Variants in C1QTNF2 observed in about 807,000 individuals in gnomAD.
C1QTNF2 encodes the protein complement C1q tumor necrosis factor-related protein 2.
Under a neutral mutation model 17.4 loss-of-function variants are expected in C1QTNF2, and 15 were observed. That is an observed-to-expected ratio of 0.86 (90% CI 0.58 to 1.33). The LOEUF (loss-of-function observed/expected upper bound fraction) is 1.33, where lower values mean the gene tolerates loss of function less well. C1QTNF2 is among the 40% of genes most tolerant of loss of function. The probability of loss-of-function intolerance (pLI) is 0.00; values close to 1 mark genes in which losing one functional copy is unlikely to be tolerated. For missense variants in C1QTNF2, 381 were observed against 392.3 expected, an observed-to-expected ratio of 0.97 and a Z score of 0.24; for synonymous variants, 154 against 163.3, an observed-to-expected ratio of 0.94 and a Z score of 0.44.
chr5:160,366,027 A>T lies in C1QTNF2; in HGVS notation c.-10+4485T>A, dbSNP rs947268676. Among the ~76,000 whole-genome samples the T allele has an allele frequency of 3.9e-5, 6 of 152,062 alleles. No individual in the cohort carries two copies. In the East Asian group the frequency reaches 1.2e-3, roughly 29 times the overall value. ...TACATGAGTGAGTTCTTTAGTGGTG[A>T]TTTGTGAGATTTTGGTGCACCCATC... is the stretch of plus-strand genomic sequence containing the variant. On this transcript the variant is annotated intron_variant, in intron 1 of 2. Transcript: ENST00000652664.
At chr5:160,350,440 G>A (rs577018003) in intron 2 of C1QTNF2, among the ~76,000 whole-genome samples, 4 of 152,226 alleles carry the variant, frequency 2.6e-5, no homozygotes, top group Non-Finnish European at 4.4e-5. Context: ...AAGGTGGCTC[G>A]CGTCTATAAT....
At chr5:160,358,000 C>T (rs1429766874) in intron 1 of C1QTNF2, among the ~76,000 whole-genome samples, 2 of 152,236 alleles carry the variant, frequency 1.3e-5, no homozygotes, top group Admixed American at 6.5e-5. Flanking sequence ...AAGAGGAAGG[C>T]GGATTTGCTC....
At chr5:160,360,235 G>A (rs1004232233) in intron 1 of C1QTNF2, among the ~76,000 whole-genome samples, 2 of 152,106 alleles carry the variant, frequency 1.3e-5, no homozygotes, top group African/African-American at 4.8e-5. Flanking sequence ...TAAAATGTAA[G>A]CTCCATGAGT....
At position 160,348,833 on chromosome 5, in the gene C1QTNF2, T is replaced by G. The variant is rs1763849842; in HGVS notation, c.*335A>C. 4.5e-6 allele frequency: 1 copy of G among 220,712 alleles called. No homozygotes were observed. Among genetic ancestry groups the G allele is most frequent in the Admixed American group, 5.0e-5 (1 of 19,926 alleles). 13.7% of individuals were successfully genotyped at this position (220,712 alleles called of 1,614,324 possible). Reference sequence around the variant, plus strand: ...TGTTCATTTCTATCCTGGCATAATATTATATTATTTGCTTGTATATTTGTA... The same window carrying G: ...TGTTCATTTCTATCCTGGCATAATAGTATATTATTTGCTTGTATATTTGTA... On this transcript the variant is annotated 3_prime_UTR_variant, in exon 3 of 3. Transcript: ENST00000652664.
intron 1 of C1QTNF2, among the ~76,000 whole-genome samples, chr5:160,366,061 G>A (rs573427784): frequency 1.7e-4 from 26 of 152,150 alleles, no homozygotes; most frequent in Non-Finnish European, 2.4e-4. Flanking sequence ...TCACCCGAGC[G>A]GTACACACTG....
chr5:160,366,927 G>T (rs894129814), intron 1 of C1QTNF2, among the ~76,000 whole-genome samples: 1 of 151,414 alleles, frequency 6.6e-6, no homozygotes, highest in Non-Finnish European at 1.5e-5. Context: ...GGGGGGCTGA[G>T]TGGGGAGAAT....
chr5:160,362,695 G>C (rs1764176636), intron 1 of C1QTNF2, among the ~76,000 whole-genome samples: 1 of 152,126 alleles, frequency 6.6e-6, no homozygotes, highest in Non-Finnish European at 1.5e-5. Flanking sequence ...TAAACGTGCG[G>C]ATGACAAAGC....
chr5:160,356,961 A>G (rs1421110792), intron 1 of C1QTNF2, among the ~76,000 whole-genome samples: 1 of 152,178 alleles, frequency 6.6e-6, no homozygotes, highest in East Asian at 1.9e-4. Context: ...GAAAATGTTC[A>G]TTGCCCACAT....
Position 160,365,569 on chromosome 5 carries a change from C to G in C1QTNF2, c.-10+4943G>C, listed in dbSNP as rs895852352. ...GGCAACAAAGTGAGACCTCCCCCCA[C>G]CTCACCCCGCCATCTCTACAAAGAA... On this transcript the variant is annotated intron_variant, in intron 1 of 2. Coordinates refer to ENST00000652664, the MANE Select transcript of C1QTNF2 (RefSeq NM_031908.6). 2.6e-5 allele frequency among the ~76,000 whole-genome samples: 4 copies of G among 152,022 alleles called. 1 individual carries two copies.
At chr5:160,366,853 ATCT>A (rs1764256241) in intron 1 of C1QTNF2, among the ~76,000 whole-genome samples, 1 of 128,654 alleles carries the variant, frequency 7.8e-6, no homozygotes. Flanking sequence ...GCAAAACCTC[ATCT>A]CTACAAAAAC....
chr5:160,360,405 A>C (rs925686590), intron 1 of C1QTNF2, among the ~76,000 whole-genome samples: 6 of 152,210 alleles, frequency 3.9e-5, no homozygotes, highest in African/African-American at 1.4e-4. Context: ...CAGAAGAGAG[A>C]GCACTGACAC....
intron 1 of C1QTNF2, 84 bp from the exon 2 acceptor site, chr5:160,355,104 G>A: frequency 6.9e-7 from 1 of 1,443,698 alleles, no homozygotes; most frequent in South Asian, 1.5e-5. Flanking sequence ...ACAGGAGGAG[G>A]CAGCTGGGAT....
intron 1 of C1QTNF2, among the ~76,000 whole-genome samples, chr5:160,368,509 G>A (rs1232034062): frequency 1.4e-5 from 2 of 147,276 alleles, no homozygotes; most frequent in Non-Finnish European, 3.0e-5. Flanking sequence ...TCCAGCCTGG[G>A]CAACAGAGCG....
At position 160,349,159 on chromosome 5, in the gene C1QTNF2, G is replaced by A. The variant is rs200948952; in HGVS notation, c.*9C>T. On this transcript the variant is annotated 3_prime_UTR_variant, in exon 3 of 3. Coordinates refer to ENST00000652664, the MANE Select transcript of C1QTNF2 (RefSeq NM_031908.6). The surrounding 1 kb of genome is among the most constrained non-coding windows in gnomAD (Gnocchi z 4.3). ...CTTGTTCCCTGCCTGGAGGACCGCC[G>A]TGGCATGTCTATACCTCGTTGGGGT... 6.9e-5 allele frequency: 111 copies of A among 1,601,382 alleles called. No individual in the cohort carries two copies. The highest frequency in any genetic ancestry group is 1.0e-4 in the Admixed American group (6 of 59,078).
chr5:160,353,602 T>A (rs1763967218), intron 2 of C1QTNF2, among the ~76,000 whole-genome samples: 1 of 152,032 alleles, frequency 6.6e-6, no homozygotes, highest in African/African-American at 2.4e-5. Flanking sequence ...CAAGGAGAAT[T>A]GGCTGTTCTG....
intron 1 of C1QTNF2, among the ~76,000 whole-genome samples, chr5:160,360,923 T>C (rs1764142257): frequency 6.6e-6 from 1 of 151,784 alleles, no homozygotes; most frequent in Admixed American, 6.6e-5. Flanking sequence ...GCCCCCTGAG[T>C]AGCTGGGACT....
chr5:160,354,596 A>ATATATATATAT (rs1763994534), intron 2 of C1QTNF2, among the ~76,000 whole-genome samples, 172 bp downstream of exon 2: 3 of 49,898 alleles, frequency 6.0e-5, no homozygotes, highest in African/African-American at 1.8e-4. Context: ...AAAAAAAAAA[A>ATATATATATAT]AGTATATATA....
intron 2 of C1QTNF2, among the ~76,000 whole-genome samples, 161 bp downstream of exon 2, chr5:160,354,596 AAGTATATATAT>A (rs1281126681): frequency 0.017 from 842 of 49,890 alleles, 26 homozygotes; most frequent in South Asian, 0.028. Flanking sequence ...AAAAAAAAAA[AAGTATATATAT>A]ATATATATAT....
chr5:160,354,594 AAAAGTATATAT>A lies in C1QTNF2; in HGVS notation c.244+163_244+173del, dbSNP rs1245424214. On this transcript the variant is annotated intron_variant, in intron 2 of 2. Transcript: ENST00000652664. ...CCTCTGTCTCAAGGGGAAAAAAAAA[AAAAGTATATAT>A]ATATATATATATATATATATATATA... Among the ~76,000 whole-genome samples the A allele has an allele frequency of 3.5e-3, 151 of 43,382 alleles. 2 individuals carry two copies. Among genetic ancestry groups the A allele is most frequent in the Admixed American group, 6.7e-3 (26 of 3,880 alleles). 28.5% of individuals were successfully genotyped at this position (43,382 alleles called of 152,430 possible).
Sources: gnomAD v4.1 joint callset for allele counts (sites outside exome capture counted in the v4.1 genomes callset) on GRCh38, gnomAD v4.1.1 for gene constraint, Gnocchi (gnomAD v3.1) non-coding constraint, MANE v1.5 for transcripts, NCBI Gene and HGNC (gene_info 2026-07-23, HGNC 2026-07-21) for gene names.